CDH11: variants seen among roughly 807,000 people sequenced by gnomAD.
CDH11 encodes cadherin 11, also known as cadherin-11.
Under a neutral mutation model 67.8 loss-of-function variants are expected in CDH11, and 11 were observed. The ratio of observed to expected loss-of-function variants is 0.16; its 90% CI spans 0.10 to 0.27. The LOEUF is 0.27. CDH11 is among the 10% of genes least tolerant of loss of function. CDH11 has a pLI of 1.00. For synonymous variants in CDH11, 419 were observed against 400.0 expected, an observed-to-expected ratio of 1.05 and a Z score of -0.57; for missense variants, 847 against 1,031.2, an observed-to-expected ratio of 0.82 and a Z score of 2.45.
chr16:64,971,318 T>C (rs1031968105), intron 11 of CDH11, among the ~76,000 whole-genome samples: 3 of 152,208 alleles, frequency 2.0e-5, no homozygotes, highest in African/African-American at 7.2e-5. Flanking sequence ...TGTTTGCATA[T>C]TGACCCTGTA....
Position 64,947,770 on chromosome 16 carries a change from T to A in CDH11, c.2224A>T (p.Ile742Phe), listed in dbSNP as rs773502590. ...GAGCCCCTGCCTTCATAACCGTAGA[T>A]TTGAATGGAGTCATAAGGAGGAGCC... Reference protein sequence around the residue: ...PTAPPYDSIQIYGYEGRGSVA... With the variant: ...PTAPPYDSIQFYGYEGRGSVA... The change falls in exon 13 of 13, where the codon ATC becomes TTC. Residue 742 changes from isoleucine to phenylalanine, a missense_variant. This residue lies in a region of CDH11 where 612 missense variants were observed against 678.7 expected (regional missense o/e 0.90). Transcript: ENST00000268603. 2.5e-6 allele frequency: 4 copies of A among 1,614,146 alleles called. No individual in the cohort carries two copies.
intron 2 of CDH11, among the ~76,000 whole-genome samples, chr16:65,040,856 G>A (rs187334875): frequency 6.6e-5 from 10 of 152,162 alleles, no homozygotes; most frequent in Admixed American, 2.6e-4. Flanking sequence ...ATGTTTTGTT[G>A]CATGCATAGA....
rs878974367 is a variant in CDH11, at chr16:64,947,975, T to G, written c.2019A>C (p.Thr673=). Residue 673 remains threonine, a synonymous_variant, in exon 13 of 13, where the codon ACA becomes ACC. Coordinates refer to ENST00000268603, the MANE Select transcript of CDH11 (RefSeq NM_001797.4). ...GGAGGGTGGCAATATCAAAGGCTTC[T>G]GTGTCTTCTTCCCCACCCCCTTCAT... is the stretch of plus-strand genomic sequence containing the variant. ...YDDEGGGEED[T]EAFDIATLQN... The G allele has an allele frequency of 3.1e-6, 5 of 1,614,198 alleles. No individual in the cohort carries two copies. The highest frequency in any genetic ancestry group is 4.2e-6 in the Non-Finnish European group (5 of 1,180,014).
intron 2 of CDH11, among the ~76,000 whole-genome samples, chr16:65,040,957 C>T (rs1382674161): frequency 6.6e-6 from 1 of 152,144 alleles, no homozygotes; most frequent in African/African-American, 2.4e-5. Context: ...AGAACACTTT[C>T]ATTACTCCCC....
At chr16:65,052,821 A>G (rs2074080573) in intron 2 of CDH11, among the ~76,000 whole-genome samples, 1 of 152,230 alleles carries the variant, frequency 6.6e-6, no homozygotes, top group Admixed American at 6.5e-5. Context: ...TTGCATTTGA[A>G]CGGTGGCAAT....
Position 64,946,334 on chromosome 16 carries a change from A to C in CDH11, c.*1269T>G. 1 of 1,041,522 alleles carries C rather than the reference A, an allele frequency of 9.6e-7. No homozygotes were observed. The highest frequency in any genetic ancestry group is 1.2e-6 in the Non-Finnish European group (1 of 864,746). The allele number at this position is 1,041,522 out of a possible 1,614,324, so 64.5% of individuals were successfully genotyped here. A position where few individuals can be genotyped will look rare whatever the true frequency, so the allele number is the denominator to read the frequency against. Reference sequence around the variant, plus strand: ...TGGGCAAATTTATATTTTTGACTCTAGTCCCCCAGTTCCCCAGTGCTCAGT... The same window carrying C: ...TGGGCAAATTTATATTTTTGACTCTCGTCCCCCAGTTCCCCAGTGCTCAGT... On this transcript the variant is annotated 3_prime_UTR_variant, in exon 13 of 13. Transcript: ENST00000268603.
chr16:65,057,801 A>T (rs2074171413), intron 1 of CDH11, among the ~76,000 whole-genome samples: 1 of 152,228 alleles, frequency 6.6e-6, no homozygotes, highest in African/African-American at 2.4e-5. Flanking sequence ...TAGAGCAAGG[A>T]AGTAGCATAA....
intron 1 of CDH11, among the ~76,000 whole-genome samples, chr16:65,088,268 C>T (rs1159221174): frequency 6.6e-6 from 1 of 152,162 alleles, no homozygotes; most frequent in Non-Finnish European, 1.5e-5. Context: ...GTCAATAATA[C>T]ATTTTCTGTT....
intron 1 of CDH11, among the ~76,000 whole-genome samples, chr16:65,068,400 A>G (rs2074355940): frequency 8.4e-6 from 1 of 118,962 alleles, no homozygotes; most frequent in Non-Finnish European, 1.7e-5. Context: ...TCCCGAAATA[A>G]GATATGACTA....
intron 1 of CDH11, chr16:65,094,624 C>G (rs1164298390): frequency 6.6e-6 from 1 of 152,204 alleles, no homozygotes; most frequent in African/African-American, 2.4e-5. Flanking sequence ...GTCTCAGCCT[C>G]TCCTTTGTAC....
At chr16:64,957,624 A>T (rs1180947574) in intron 11 of CDH11, among the ~76,000 whole-genome samples, 1 of 145,154 alleles carries the variant, frequency 6.9e-6, no homozygotes, top group Non-Finnish European at 1.5e-5. Context: ...ACACACACAC[A>T]CACACACACC....
intron 2 of CDH11, among the ~76,000 whole-genome samples, chr16:65,024,012 A>G (rs1325595858): frequency 6.6e-6 from 1 of 152,190 alleles, no homozygotes; most frequent in Non-Finnish European, 1.5e-5. Flanking sequence ...ACCCAATCCC[A>G]TTCAAGGTGG....
chr16:65,058,697 A>G (rs1222894973), intron 1 of CDH11, among the ~76,000 whole-genome samples: 1 of 152,206 alleles, frequency 6.6e-6, no homozygotes, highest in Non-Finnish European at 1.5e-5. Context: ...ATTGGGAGAA[A>G]CAGGAAGCTG....
intron 11 of CDH11, among the ~76,000 whole-genome samples, chr16:64,961,398 T>C (rs951890197): frequency 1.3e-5 from 2 of 152,164 alleles, no homozygotes; most frequent in Non-Finnish European, 2.9e-5. Context: ...TGTAACCCCA[T>C]GATCTGATAA....
At chr16:65,081,594 C>CATGTA (rs2074612090) in intron 1 of CDH11, among the ~76,000 whole-genome samples, 1 of 149,512 alleles carries the variant, frequency 6.7e-6, no homozygotes, top group African/African-American at 2.5e-5. Flanking sequence ...AAGCATCTAC[C>CATGTA]ATGTAATACA....
intron 2 of CDH11, among the ~76,000 whole-genome samples, chr16:65,018,487 T>C (rs2073358729): frequency 6.6e-6 from 1 of 152,164 alleles, no homozygotes; most frequent in Non-Finnish European, 1.5e-5. Flanking sequence ...AATACTCACA[T>C]AGTTTCCAAA....
In CDH11 at chr16:65,005,007, A is replaced by T; in HGVS notation, c.-138T>A. 7.1e-7 allele frequency: 1 copy of T among 1,412,376 alleles called. No homozygotes were observed. Among genetic ancestry groups the T allele is most frequent in the Middle Eastern group, 2.4e-4 (1 of 4,234 alleles). 87.5% of individuals were successfully genotyped at this position (1,412,376 alleles called of 1,614,324 possible). The stretch of plus-strand genomic sequence containing the variant: ...TGGAATGTCTCTGCTGGTTGAGCTC[A>T]TCACGTCAGGGCTGCCCACGTCCCC... On this transcript the variant is annotated 5_prime_UTR_variant, in exon 3 of 13. It removes an upstream start codon present in the reference 5' UTR. Coordinates refer to ENST00000268603, the MANE Select transcript of CDH11 (RefSeq NM_001797.4).
intron 1 of CDH11, 50 bp from the exon 2 acceptor site, chr16:65,053,978 C>A (rs982598740): frequency 4.4e-6 from 2 of 454,156 alleles, no homozygotes; most frequent in Non-Finnish European, 8.9e-6. Context: ...CATGAATTGA[C>A]CAAGTGATAC....
chr16:65,123,626 G>T (rs953190266), upstream of CDH11: 2 of 152,168 alleles, frequency 1.3e-5, no homozygotes, highest in Non-Finnish European at 2.9e-5. Flanking sequence ...CACGGCTTGG[G>T]GAGACGCCCG....
Sources: gnomAD v4.1 joint callset for allele counts (sites outside exome capture counted in the v4.1 genomes callset) on GRCh38, gnomAD v4.1.1 for gene constraint, gnomAD v4.1.1 regional missense constraint, MANE v1.5 for transcripts, NCBI Gene and HGNC (gene_info 2026-07-23, HGNC 2026-07-21) for gene names.